The following C10orf71 variants were observed in gnomAD, a reference collection of about 807,000 sequenced individuals.
C10orf71 encodes chromosome 10 open reading frame 71, also known as cardiac-enriched FHL2-interacting protein.
For missense variants in C10orf71, 1,869 were observed against 1,804.5 expected (o/e 1.04, Z -0.65); for synonymous variants, 758 against 726.3 (o/e 1.04, Z -0.70).
intron 2 of C10orf71, among the ~76,000 whole-genome samples, chr10:49,316,815 C>G (rs1564687296): frequency 6.6e-6 from 1 of 152,152 alleles, no homozygotes; most frequent in Non-Finnish European, 1.5e-5. Context: ...GCTCTTGGCC[C>G]TCGGGAGCCT....
chr10:49,311,395 G>T (rs1308265326), intron 1 of C10orf71, among the ~76,000 whole-genome samples: 1 of 152,242 alleles, frequency 6.6e-6, no homozygotes, highest in African/African-American at 2.4e-5. Context: ...CCAGCCAGGA[G>T]CCCCGAGGAA....
chr10:49,325,672 C>A lies in C10orf71; in HGVS notation c.3127C>A (p.Pro1043Thr), dbSNP rs925179387. The stretch of plus-strand genomic sequence containing the variant: ...CTTTTTGTCCACACCCAGAGCAGGG[C>A]CCCCTGGCAGAAGACTGGTCCCCAG... ...SHFLSTPRAG[P>T]PGRRLVPSER... Residue 1043 changes from proline to threonine, a missense_variant, in exon 3 of 3, where the codon CCC (proline) becomes ACC (threonine). Coordinates refer to ENST00000374144, the MANE Select transcript of C10orf71 (RefSeq NM_001135196.2). 3 of 1,552,062 alleles carry A rather than the reference C, an allele frequency of 1.9e-6. No homozygotes were observed. Among genetic ancestry groups the A allele is most frequent in the South Asian group, 1.2e-5 (1 of 84,068 alleles).
In C10orf71 at chr10:49,325,105, CT is replaced by C; in HGVS notation, c.2561del (p.Leu854ArgfsTer14). On this transcript the variant is annotated frameshift_variant, in exon 3 of 3. Transcript: ENST00000374144. LOFTEE classifies it low-confidence loss of function (END_TRUNC). The stretch of plus-strand genomic sequence containing the variant: ...ATCTTCTGCTTCAAACAGGCACATG[CT>C]GTTTACGATTAAAGACAACACCCTC... ...SPSSASNRHM[L>X]FTIKDNTLRA... The C allele has an allele frequency of 3.2e-6, 5 of 1,552,024 alleles. No individual in the cohort carries two copies. Among genetic ancestry groups the C allele is most frequent in the Non-Finnish European group, 4.4e-6 (5 of 1,147,072 alleles).
chr10:49,306,566 G>A (rs998336144), intron 1 of C10orf71, among the ~76,000 whole-genome samples: 1 of 152,206 alleles, frequency 6.6e-6, no homozygotes, highest in Non-Finnish European at 1.5e-5. Flanking sequence ...AGAGCCTGGT[G>A]CTGGGCTAGT....
In C10orf71 at chr10:49,326,867, G is replaced by C; in HGVS notation, c.*14G>C. ...GGCATTTCTTGAGTTACTGCAGGCT[G>C]TCCCCCACCCCCAGATGAACCCAGA... On this transcript the variant is annotated 3_prime_UTR_variant, in exon 3 of 3. Transcript: ENST00000374144. 3 of 1,501,580 alleles carry C rather than the reference G, an allele frequency of 2.0e-6. No homozygotes were observed. Among genetic ancestry groups the C allele is most frequent in the Non-Finnish European group, 2.7e-6 (3 of 1,124,890 alleles). The allele number at this position is 1,501,580 out of a possible 1,614,324, so 93.0% of individuals were successfully genotyped here. A position where few individuals can be genotyped will look rare whatever the true frequency, so the allele number is the denominator to read the frequency against.
Position 49,325,169 on chromosome 10 carries a change from T to A in C10orf71, c.2624T>A (p.Leu875His). The A allele has an allele frequency of 6.4e-7, 1 of 1,552,090 alleles. No individual in the cohort carries two copies. The highest frequency in any genetic ancestry group is 2.0e-5 in the Admixed American group (1 of 51,010). ...GTAATTAAACCTATCATGCTGCCTC[T>A]CCTGAGGACCATGTCCTTGGAGGAC... is the stretch of plus-strand genomic sequence containing the variant. ...TPVIKPIMLP[L>H]LRTMSLEDSL... The change falls in exon 3 of 3, where the codon CTC becomes CAC. Residue 875 changes from leucine (L) to histidine (H), a missense_variant. Transcript: ENST00000374144.
intron 1 of C10orf71, among the ~76,000 whole-genome samples, chr10:49,300,387 A>G (rs1848705711): frequency 6.7e-6 from 1 of 150,360 alleles, no homozygotes; most frequent in African/African-American, 2.5e-5. Context: ...AACGCTTACA[A>G]TGTGGCCCTT....
chr10:49,297,277 T>G (rs966760876), upstream of C10orf71, among the ~76,000 whole-genome samples: 1 of 152,214 alleles, frequency 6.6e-6, no homozygotes, highest in Non-Finnish European at 1.5e-5. Context: ...AAAATGAGGT[T>G]TAGTAATGCA....
chr10:49,314,472 A>G (rs1848966380), intron 1 of C10orf71, among the ~76,000 whole-genome samples: 1 of 152,188 alleles, frequency 6.6e-6, no homozygotes, highest in Non-Finnish European at 1.5e-5. Context: ...CTTCCTTCAA[A>G]TGGTTCAAAG....
intron 2 of C10orf71, among the ~76,000 whole-genome samples, chr10:49,320,955 A>G (rs7900669): frequency 0.12 from 17,673 of 152,054 alleles, 1,135 homozygotes; most frequent in Admixed American, 0.15. Context: ...AGTTTGATGA[A>G]CTTGGAGATA....
Position 49,325,497 on chromosome 10 carries a change from T to C in C10orf71, c.2952T>C (p.Asn984=). The change falls in exon 3 of 3, where the codon AAT becomes AAC. Residue 984 remains asparagine (N), a synonymous_variant. Coordinates refer to ENST00000374144, the MANE Select transcript of C10orf71 (RefSeq NM_001135196.2). ...CTGCACCTGGCCTCGTGGCAAGCAA[T>C]TGCAAGAGCGGTTCTGCAGACTCAG... ...PDAAPGLVAS[N]CKSGSADSGK... is the part of the protein sequence containing the mutation. The C allele has an allele frequency of 6.4e-7, 1 of 1,550,652 alleles. No individual in the cohort carries two copies. Among genetic ancestry groups the C allele is most frequent in the Non-Finnish European group, 8.7e-7 (1 of 1,146,262 alleles).
intron 1 of C10orf71, among the ~76,000 whole-genome samples, chr10:49,314,305 A>G (rs899896707): frequency 6.6e-6 from 1 of 152,164 alleles, no homozygotes; most frequent in Non-Finnish European, 1.5e-5. Flanking sequence ...TTAAATATCG[A>G]TGTTTATTTC....
chr10:49,304,165 G>C (rs1162926691), intron 1 of C10orf71, among the ~76,000 whole-genome samples: 1 of 152,202 alleles, frequency 6.6e-6, no homozygotes, highest in Non-Finnish European at 1.5e-5. Context: ...TGCAGAGAGA[G>C]ATAACTGAGA....
chr10:49,323,680 C>G lies in C10orf71; in HGVS notation c.1135C>G (p.Pro379Ala), dbSNP rs185740154. The change falls in exon 3 of 3, where the codon CCC becomes GCC. Residue 379 changes from proline (P) to alanine (A), a missense_variant. By Grantham distance (27) the Pro-to-Ala change is conservative. Transcript: ENST00000374144. ...QPDSQEKPAQPPWRKPKTGKK... is the reference protein window; with the variant it reads ...QPDSQEKPAQAPWRKPKTGKK... ...TGATTCTCAAGAGAAGCCAGCCCAG[C>G]CCCCATGGAGGAAGCCAAAGACTGG... is the stretch of plus-strand genomic sequence containing the variant. 6.2e-7 allele frequency: 1 copy of G among 1,613,490 alleles called. No homozygotes were observed. Among genetic ancestry groups the G allele is most frequent in the Non-Finnish European group, 8.5e-7 (1 of 1,179,786 alleles).
intron 1 of C10orf71, among the ~76,000 whole-genome samples, chr10:49,311,211 A>G (rs2377963): frequency 0.56 from 84,646 of 152,048 alleles, 23,900 homozygotes; most frequent in East Asian, 0.79. Flanking sequence ...CTCTGGTCCT[A>G]TGGACCTGAC....
chr10:49,311,159 T>C (rs900961584), intron 1 of C10orf71, among the ~76,000 whole-genome samples: 4 of 152,092 alleles, frequency 2.6e-5, no homozygotes, highest in Non-Finnish European at 5.9e-5. Context: ...TCATGGGTGA[T>C]TGTGGTCCCT....
chr10:49,318,832 T>A (rs1849042348), intron 2 of C10orf71, among the ~76,000 whole-genome samples: 3 of 152,162 alleles, frequency 2.0e-5, no homozygotes, highest in Non-Finnish European at 4.4e-5. Context: ...CAGATACAGA[T>A]GAGAGAGATG....
intron 1 of C10orf71, among the ~76,000 whole-genome samples, chr10:49,314,626 A>G (rs189507121): frequency 2.6e-5 from 4 of 152,276 alleles, no homozygotes; most frequent in Admixed American, 2.6e-4. Flanking sequence ...AAATGCCATT[A>G]TGTCGTTCTG....
Position 49,322,795 on chromosome 10 carries a change from C to A in C10orf71, c.250C>A (p.Gln84Lys). 6.2e-7 allele frequency: 1 copy of A among 1,613,682 alleles called. No homozygotes were observed. Among genetic ancestry groups the A allele is most frequent in the Non-Finnish European group, 8.5e-7 (1 of 1,179,666 alleles). The change falls in exon 3 of 3, where the codon CAG becomes AAG. Residue 84 changes from glutamine (Q) to lysine (K), a missense_variant. Gln to Lys is a moderately conservative substitution (Grantham distance 53). Transcript: ENST00000374144. ...HTQRKSGIWS[Q>K]LPSQGTEHSG... ...CCAGAGGAAAAGTGGCATTTGGAGC[C>A]AGTTACCGTCACAGGGCACGGAACA...
Sources: gnomAD v4.1 joint callset for allele counts (sites outside exome capture counted in the v4.1 genomes callset) on GRCh38, gnomAD v4.1.1 for gene constraint, MANE v1.5 for transcripts, NCBI Gene and HGNC (gene_info 2026-07-23, HGNC 2026-07-21) for gene names.